The following RELL1 variants were observed in gnomAD, a reference collection of about 807,000 sequenced individuals.
RELL1 encodes RELT-like protein 1.
A neutral mutation model predicts 23.0 loss-of-function variants in RELL1; 10 were observed. The observed-to-expected ratio is 0.43, with a 90% CI of 0.27 to 0.74. RELL1 has a LOEUF of 0.74. Among genes scored for constraint, RELL1 ranks in the 30% least tolerant of loss-of-function variants. The pLI is 0.19. For synonymous variants in RELL1, 146 were observed against 146.8 expected (o/e 0.99, Z 0.04); for missense variants, 315 against 364.4 (o/e 0.86, Z 1.10).
chr4:37,607,809 C>T (rs1391455692), downstream of RELL1, among the ~76,000 whole-genome samples: 2 of 151,940 alleles, frequency 1.3e-5, no homozygotes, highest in African/African-American at 2.4e-5. Context: ...AGGATGGTCT[C>T]GGTCTCCTGA....
At chr4:37,633,701 C>T (rs1200319545) in intron 5 of RELL1, among the ~76,000 whole-genome samples, 1 of 152,128 alleles carries the variant, frequency 6.6e-6, no homozygotes, top group African/African-American at 2.4e-5. Context: ...TAATACCAGC[C>T]AACATTTCTT....
intron 1 of RELL1, among the ~76,000 whole-genome samples, chr4:37,659,528 A>G (rs1028538232): frequency 1.3e-5 from 2 of 152,182 alleles, no homozygotes; most frequent in Non-Finnish European, 2.9e-5. Context: ...TTTTTGGTCT[A>G]GATTACCAAG....
At chr4:37,660,005 T>C (rs1194566555) in intron 1 of RELL1, among the ~76,000 whole-genome samples, 1 of 152,212 alleles carries the variant, frequency 6.6e-6, no homozygotes, top group Non-Finnish European at 1.5e-5. Flanking sequence ...GGAAAGGAAC[T>C]TGGCTGATAA....
At chr4:37,654,689 A>T (rs1721063572) in intron 1 of RELL1, among the ~76,000 whole-genome samples, 1 of 152,208 alleles carries the variant, frequency 6.6e-6, no homozygotes, top group Non-Finnish European at 1.5e-5. Context: ...ACACCTGCAT[A>T]TTTGCAATGA....
chr4:37,629,079 G>A (rs1422101501), intron 6 of RELL1, among the ~76,000 whole-genome samples: 1 of 152,184 alleles, frequency 6.6e-6, no homozygotes, highest in Non-Finnish European at 1.5e-5. Flanking sequence ...AATCAGAGGT[G>A]AGTCTGACAA....
rs111545018 is a variant in RELL1, at chr4:37,611,960, G to C, written c.*1386C>G. 5.9e-3 allele frequency among the ~76,000 whole-genome samples: 896 copies of C among 151,848 alleles called. 5 individuals are homozygous for C. Among genetic ancestry groups the C allele is most frequent in the African/African-American group, 0.021 (857 of 41,394 alleles). ...GGAGGCCGAGGCGGGTGGATCACGAGGTCAGGAGATCGAGACCATCTTCGC... is the reference window on the plus strand; with the variant it reads ...GGAGGCCGAGGCGGGTGGATCACGACGTCAGGAGATCGAGACCATCTTCGC... On this transcript the variant is annotated 3_prime_UTR_variant, in exon 7 of 7. Coordinates refer to ENST00000454158, the MANE Select transcript of RELL1 (RefSeq NM_001085400.2).
chr4:37,601,326 G>C (rs1169109591), intron 6 of RELL1, among the ~76,000 whole-genome samples: 1 of 152,206 alleles, frequency 6.6e-6, no homozygotes, highest in Non-Finnish European at 1.5e-5. Context: ...GTGGCCAATA[G>C]ATTGTTCTGT....
rs1340702861 is a variant in RELL1 at position 37,649,408 on chromosome 4, A to G, written c.181T>C (p.Tyr61His). Residue 61 changes from tyrosine to histidine, a missense_variant, in exon 2 of 7, where the codon TAC becomes CAC. Coordinates refer to ENST00000454158, the MANE Select transcript of RELL1 (RefSeq NM_001085400.2). Reference protein sequence around the residue: ...TGNGHPEYIAYALVPVFFIMG... With the variant: ...TGNGHPEYIAHALVPVFFIMG... ...ATAAAGAACACAGGGACAAGCGCGT[A>G]TGCAATATATTCTGGGTGTCCATTC... The G allele has an allele frequency of 4.3e-6, 7 of 1,614,264 alleles. No individual in the cohort carries two copies. Among genetic ancestry groups the G allele is most frequent in the Admixed American group, 1.7e-5 (1 of 60,034 alleles).
At chr4:37,683,867 G>A (rs189382948) in intron 1 of RELL1, among the ~76,000 whole-genome samples, 4 of 151,942 alleles carry the variant, frequency 2.6e-5, no homozygotes, top group Admixed American at 6.6e-5. Context: ...GGATCACGAG[G>A]TCAGGAGATG....
chr4:37,673,071 T>G (rs1165453768), intron 1 of RELL1, among the ~76,000 whole-genome samples: 3 of 152,174 alleles, frequency 2.0e-5, no homozygotes, highest in Non-Finnish European at 4.4e-5. Flanking sequence ...ATTTGTATAA[T>G]TTGAAGGTAT....
Position 37,658,818 on chromosome 4 carries a change from A to G in RELL1, c.89-9318T>C, listed in dbSNP as rs369956336. 3.3e-5 allele frequency among the ~76,000 whole-genome samples: 5 copies of G among 152,386 alleles called. No individual in the cohort carries two copies. In the East Asian group the frequency reaches 9.6e-4, roughly 29 times the overall value. On this transcript the variant is annotated intron_variant, in intron 1 of 6. Transcript: ENST00000454158. ...CCTATTTCACAACTTGGTTTAGAAT[A>G]AAGCCTCCACAGACTTCAAAACCAT...
At position 37,675,888 on chromosome 4, in the gene RELL1, G is replaced by C. The variant is rs34066435; in HGVS notation, c.88+10312C>G. ...TCTCCAGACCCATCCCAGTCCTATG[G>C]ACTCAGCACTCTCAGGTGGGGCTCA... On this transcript the variant is annotated intron_variant, in intron 1 of 6. Transcript: ENST00000454158. 2.2e-3 allele frequency among the ~76,000 whole-genome samples: 335 copies of C among 152,284 alleles called. 1 individual carries two copies. The highest frequency in any genetic ancestry group is 3.2e-3 in the Non-Finnish European group (220 of 68,026).
chr4:37,647,358 A>ATC lies in RELL1; in HGVS notation c.385+9_385+10insGA. The ATC allele has an allele frequency of 3.1e-6, 5 of 1,600,076 alleles. No individual in the cohort carries two copies. The highest frequency in any genetic ancestry group is 4.3e-6 in the Non-Finnish European group (5 of 1,167,412). On this transcript the variant is annotated intron_variant, in intron 3 of 6. Coordinates refer to ENST00000454158, the MANE Select transcript of RELL1 (RefSeq NM_001085400.2). ...TACTGAATTGTTTTGGAACACTAAA[A>ATC]TGTTCACACCTTCATTTTTCATGAT...
intron 6 of RELL1, among the ~76,000 whole-genome samples, chr4:37,629,091 A>G (rs1475283117): frequency 6.6e-6 from 1 of 152,202 alleles, no homozygotes; most frequent in Non-Finnish European, 1.5e-5. Context: ...GTCTGACAAG[A>G]GGATCATCTT....
intron 6 of RELL1, among the ~76,000 whole-genome samples, chr4:37,621,922 T>C (rs1258940432): frequency 6.6e-6 from 1 of 152,176 alleles, no homozygotes; most frequent in African/African-American, 2.4e-5. Flanking sequence ...AACAAGGCCA[T>C]GGAAGAATAA....
At chr4:37,666,866 G>A (rs1423786323) in intron 1 of RELL1, among the ~76,000 whole-genome samples, 1 of 152,062 alleles carries the variant, frequency 6.6e-6, no homozygotes, top group Non-Finnish European at 1.5e-5. Context: ...TTTCCAATTA[G>A]TCACAGGTTA....
chr4:37,662,634 C>T (rs1471334448), intron 1 of RELL1, among the ~76,000 whole-genome samples: 1 of 151,358 alleles, frequency 6.6e-6, no homozygotes, highest in East Asian at 1.9e-4. Flanking sequence ...TCAATTTGAA[C>T]TGAAGAGAGA....
chr4:37,608,301 C>T (rs28891693), downstream of RELL1, among the ~76,000 whole-genome samples: 877 of 152,150 alleles, frequency 5.8e-3, 9 homozygotes, highest in African/African-American at 0.02. Flanking sequence ...TGTCAAAAGC[C>T]GAGACAGGCA....
chr4:37,621,555 A>T (rs1167572645), intron 6 of RELL1, among the ~76,000 whole-genome samples: 1 of 152,110 alleles, frequency 6.6e-6, no homozygotes, highest in Non-Finnish European at 1.5e-5. Context: ...ATAGGTAAAA[A>T]TGTCTCCGAA....
Sources: gnomAD v4.1 joint callset for allele counts (sites outside exome capture counted in the v4.1 genomes callset) on GRCh38, gnomAD v4.1.1 for gene constraint, MANE v1.5 for transcripts, NCBI Gene and HGNC (gene_info 2026-07-23, HGNC 2026-07-21) for gene names.